Variants in MICAL3 observed in about 807,000 individuals in gnomAD.
MICAL3 encodes microtubule associated monooxygenase, calponin and LIM domain containing 3, also known as [F-actin]-monooxygenase MICAL3.
A neutral mutation model predicts 207.4 loss-of-function variants in MICAL3; 62 were observed. The ratio of observed to expected loss-of-function variants is 0.30; its 90% CI spans 0.24 to 0.37. The LOEUF is 0.37. MICAL3 is among the 10% of genes least tolerant of loss of function. The pLI, the probability that MICAL3 is intolerant of heterozygous loss-of-function variation, is 1.00. For missense variants in MICAL3, 2,368 were observed against 2,635.6 expected (o/e 0.90, Z 2.22); for synonymous variants, 1,077 against 1,069.3 (o/e 1.01, Z -0.14).
chr22:17,862,641 T>C (rs1301864394), intron 19 of MICAL3: 1 of 985,164 alleles, frequency 1.0e-6, no homozygotes, highest in African/African-American at 1.7e-5. Context: ...AAGAAGGAAA[T>C]CTCTATCAAA....
intron 1 of MICAL3, among the ~76,000 whole-genome samples, chr22:17,954,390 A>C (rs1934511495): frequency 6.6e-6 from 1 of 151,974 alleles, no homozygotes; most frequent in African/African-American, 2.4e-5. Flanking sequence ...GAGGAACATC[A>C]GGGGGAAGGA....
intron 1 of MICAL3, among the ~76,000 whole-genome samples, chr22:17,967,512 G>A (rs1198641787): frequency 7.0e-6 from 1 of 143,230 alleles, no homozygotes; most frequent in Non-Finnish European, 1.5e-5. Flanking sequence ...ACCCACTCAT[G>A]CCTACAGCAT....
intron 1 of MICAL3, chr22:18,005,397 G>C (rs1429952741): frequency 2.0e-5 from 3 of 152,234 alleles, no homozygotes; most frequent in African/African-American, 4.8e-5. Flanking sequence ...AGGCTGGTAA[G>C]TAACTGAGCC....
rs372573522 is a variant in MICAL3 at position 17,885,864 on chromosome 22, C to T, written c.2241+14G>A. The T allele has an allele frequency of 5.3e-5, 85 of 1,613,100 alleles. No individual in the cohort carries two copies. Among genetic ancestry groups the T allele is most frequent in the South Asian group, 7.7e-5 (7 of 91,060 alleles). ...TGACCAAATCGGTGTGGGCAGGGCA[C>T]GGGTTGGGTTTACCTGTCTCCGTAT... On this transcript the variant is annotated intron_variant, in intron 16 of 31. Coordinates refer to ENST00000441493, the MANE Select transcript of MICAL3 (RefSeq NM_015241.3).
At chr22:17,863,980 C>T in intron 19 of MICAL3, 1 of 985,480 alleles carries the variant, frequency 1.0e-6, no homozygotes, top group Non-Finnish European at 1.2e-6. Context: ...CCCTGCTGGC[C>T]CCCTCTTGCC....
chr22:18,013,647 A>T (rs1602401264), intron 1 of MICAL3, among the ~76,000 whole-genome samples: 1 of 152,224 alleles, frequency 6.6e-6, no homozygotes, highest in Admixed American at 6.5e-5. Flanking sequence ...AGGAAAGCAC[A>T]TGGCCTAGGG....
intron 20 of MICAL3, among the ~76,000 whole-genome samples, chr22:17,835,086 A>C (rs1287884846): frequency 6.6e-6 from 1 of 152,228 alleles, no homozygotes; most frequent in African/African-American, 2.4e-5. Context: ...GCACAGGCAC[A>C]ATGTGGGCAC....
intron 1 of MICAL3, among the ~76,000 whole-genome samples, chr22:17,990,540 G>A (rs1258603415): frequency 6.6e-6 from 1 of 152,146 alleles, no homozygotes; most frequent in African/African-American, 2.4e-5. Flanking sequence ...GCACAGATGA[G>A]GAAACTGAGT....
chr22:17,856,670 G>A (rs1243780614), intron 19 of MICAL3, among the ~76,000 whole-genome samples: 1 of 137,938 alleles, frequency 7.2e-6, no homozygotes, highest in African/African-American at 2.7e-5. Context: ...GCCGGACTGC[G>A]GACTGCAGTG....
chr22:17,806,008 G>A (rs2061985355), intron 29 of MICAL3, among the ~76,000 whole-genome samples: 1 of 152,198 alleles, frequency 6.6e-6, no homozygotes, highest in Non-Finnish European at 1.5e-5. Flanking sequence ...GGGATTACAG[G>A]CGTGAGCCAC....
At chr22:17,828,399 G>T (rs1276597762) in intron 21 of MICAL3, among the ~76,000 whole-genome samples, 1 of 152,256 alleles carries the variant, frequency 6.6e-6, no homozygotes, top group Non-Finnish European at 1.5e-5. Flanking sequence ...TGGAGCTGCT[G>T]CTGGAGAGAA....
intron 1 of MICAL3, among the ~76,000 whole-genome samples, chr22:18,011,106 C>A (rs534189967): frequency 6.6e-6 from 1 of 152,272 alleles, no homozygotes; most frequent in African/African-American, 2.4e-5. Context: ...CATGTGAGCA[C>A]CAGCAATTGC....
rs1024409102 is a variant in MICAL3 at position 17,816,798 on chromosome 22, G to A, written c.5351-14C>T. The A allele has an allele frequency of 4.7e-5, 73 of 1,538,852 alleles. No homozygotes were observed. The highest frequency in any genetic ancestry group is 6.2e-5 in the Non-Finnish European group (71 of 1,138,190). ...GGAGCTGCAGCTCTGTGGAGAGAGG[G>A]AGGCCACGTGAGGACAGCGCCAGAC... On this transcript the variant is annotated splice_polypyrimidine_tract_variant and intron_variant, in intron 26 of 31. Coordinates refer to ENST00000441493, the MANE Select transcript of MICAL3 (RefSeq NM_015241.3).
intron 16 of MICAL3, among the ~76,000 whole-genome samples, chr22:17,873,140 A>G (rs1602106663): frequency 6.6e-6 from 1 of 152,360 alleles, no homozygotes; most frequent in East Asian, 1.9e-4. Context: ...TGGAATGCAC[A>G]GTTCCAGGGA....
intron 1 of MICAL3, among the ~76,000 whole-genome samples, chr22:17,969,343 G>A (rs919235148): frequency 1.4e-4 from 21 of 152,176 alleles, no homozygotes; most frequent in African/African-American, 5.1e-4. Context: ...CCGGCCAAAT[G>A]AGGACTCTTG....
chr22:17,822,909 G>C (rs1465768820), intron 23 of MICAL3, 38 bp downstream of exon 23: 8 of 1,391,900 alleles, frequency 5.7e-6, no homozygotes, highest in Non-Finnish European at 8.1e-6. Flanking sequence ...CATCTTCCCT[G>C]AGCTCCCACC....
At chr22:17,977,060 C>G (rs1399827950) in intron 1 of MICAL3, among the ~76,000 whole-genome samples, 1 of 152,188 alleles carries the variant, frequency 6.6e-6, no homozygotes, top group Admixed American at 6.5e-5. Flanking sequence ...ACCTCCGCCT[C>G]CCAAAGTGCT....
At chr22:17,944,370 G>A (rs1298714294) in intron 1 of MICAL3, among the ~76,000 whole-genome samples, 2 of 152,142 alleles carry the variant, frequency 1.3e-5, no homozygotes, top group South Asian at 2.1e-4. Context: ...AGGAGAGGGC[G>A]CAGGGTTCCA....
At chr22:17,875,564 A>G (rs1928218189) in intron 16 of MICAL3, 2 of 1,525,162 alleles carry the variant, frequency 1.3e-6, no homozygotes, top group Non-Finnish European at 8.9e-7. Context: ...GCTATAAAAT[A>G]CAAGATGGAG....
Sources: allele counts gnomAD v4.1 joint callset (sites outside exome capture counted in the v4.1 genomes callset), GRCh38; gene constraint gnomAD v4.1.1; transcripts MANE v1.5; gene names NCBI Gene and HGNC (gene_info 2026-07-23, HGNC 2026-07-21).